Variants in SOBP observed in about 807,000 individuals in gnomAD.
The protein encoded by SOBP is sine oculis binding protein homolog.
SOBP carries 4 observed loss-of-function variants against 53.6 expected under a neutral mutation model. That is an observed-to-expected ratio of 0.07 (90% CI 0.04 to 0.17). The LOEUF is 0.17. Among genes scored for constraint, SOBP ranks in the 10% least tolerant of loss-of-function variants. The pLI is 1.00. For missense variants in SOBP, 1,088 were observed against 1,204.7 expected, an observed-to-expected ratio of 0.90 and a Z score of 1.43; for synonymous variants, 584 against 522.6, an observed-to-expected ratio of 1.12 and a Z score of -1.60.
chr6:107,588,460 G>C (rs1015674185), intron 5 of SOBP, among the ~76,000 whole-genome samples: 1 of 152,062 alleles, frequency 6.6e-6, no homozygotes, highest in South Asian at 2.1e-4. Flanking sequence ...TTTATCTTAG[G>C]ACTCTTAAAC....
At chr6:107,545,232 G>A (rs946853604) in intron 4 of SOBP, among the ~76,000 whole-genome samples, 1 of 152,192 alleles carries the variant, frequency 6.6e-6, no homozygotes, top group Non-Finnish European at 1.5e-5. Context: ...CCCACTAGGT[G>A]TGGTGAAGAG....
In SOBP at chr6:107,490,527, A is replaced by C. The variant is rs1347563204; in HGVS notation, c.-90A>C. On this transcript the variant is annotated 5_prime_UTR_variant, in exon 1 of 7. Coordinates refer to ENST00000317357, the MANE Select transcript of SOBP (RefSeq NM_018013.4). ...TACCTCCGCCAGCCTCGCCACCATCAGCACCACCTCCACCGCCGCCGCCGC... is the reference window on the plus strand; with the variant it reads ...TACCTCCGCCAGCCTCGCCACCATCCGCACCACCTCCACCGCCGCCGCCGC... 9.0e-6 allele frequency: 8 copies of C among 892,468 alleles called. No homozygotes were observed. The highest frequency in any genetic ancestry group is 3.6e-6 in the Non-Finnish European group (2 of 560,046). 55.3% of individuals were successfully genotyped at this position (892,468 alleles called of 1,614,324 possible).
intron 6 of SOBP, among the ~76,000 whole-genome samples, chr6:107,643,301 C>A (rs536852911): frequency 6.6e-6 from 1 of 152,130 alleles, no homozygotes; most frequent in Admixed American, 6.5e-5. Context: ...ATATTTTAAA[C>A]CCGTATTTAG....
In SOBP at chr6:107,634,730, GC is replaced by G; in HGVS notation, c.1892del (p.Pro631ArgfsTer26). On this transcript the variant is annotated frameshift_variant, in exon 6 of 7. Transcript: ENST00000317357. LOFTEE classifies it high-confidence loss of function. This position sits in a 1 kb window ranked among gnomAD's most constrained non-coding sequence, Gnocchi z 4.5. ...EVVDLTRRAG[S>X]PPGPPGAGGQ... ...GTGGACCTGACGCGGCGCGCCGGCA[GC>G]CCCCCGGGCCCCCCGGGCGCGGGCG... 6.8e-6 allele frequency: 9 copies of G among 1,322,020 alleles called. No individual in the cohort carries two copies. The highest frequency in any genetic ancestry group is 2.1e-5 in the South Asian group (1 of 47,770). The allele number at this position is 1,322,020 out of a possible 1,614,324, so 81.9% of individuals were successfully genotyped here.
chr6:107,555,615 C>T lies in SOBP; in HGVS notation c.573+22005C>T, dbSNP rs534750870. On this transcript the variant is annotated intron_variant, in intron 4 of 6. Coordinates refer to ENST00000317357, the MANE Select transcript of SOBP (RefSeq NM_018013.4). ...TGCACAGCTCTCCAAGGCACTGCGC[C>T]CTACGTGCAGATTCCAAGCTACATT... Among the ~76,000 whole-genome samples, 57 of 152,302 alleles carry T rather than the reference C, an allele frequency of 3.7e-4. 1 individual carries two copies. Among genetic ancestry groups the T allele is most frequent in the African/African-American group, 1.3e-3 (55 of 41,544 alleles).
At chr6:107,585,191 T>C (rs1785528127) in intron 4 of SOBP, among the ~76,000 whole-genome samples, 1 of 152,236 alleles carries the variant, frequency 6.6e-6, no homozygotes, top group Non-Finnish European at 1.5e-5. Flanking sequence ...CTTAAATGTT[T>C]GTTAAATATC....
At chr6:107,621,415 C>G (rs974371208) in intron 5 of SOBP, among the ~76,000 whole-genome samples, 6 of 152,158 alleles carry the variant, frequency 3.9e-5, no homozygotes, top group Non-Finnish European at 7.3e-5. Flanking sequence ...CAGAAAAGAA[C>G]TAGGCAAATC....
At position 107,634,666 on chromosome 6, in the gene SOBP, C is replaced by T. The variant is rs2115147115; in HGVS notation, c.1822C>T (p.Leu608=). The change falls in exon 6 of 7, where the codon CTG becomes TTG. Residue 608 remains leucine, a synonymous_variant. Coordinates refer to ENST00000317357, the MANE Select transcript of SOBP (RefSeq NM_018013.4). This position sits in a 1 kb window ranked among gnomAD's most constrained non-coding sequence, Gnocchi z 4.5. ...PPGCSGQALS[L]APTPAEHGRS... is the part of the protein sequence containing the mutation. ...CGGCTGCTCGGGCCAGGCCCTGAGC[C>T]TGGCGCCCACGCCCGCCGAGCATGG... 1.3e-6 allele frequency: 2 copies of T among 1,545,116 alleles called. No individual in the cohort carries two copies. Among genetic ancestry groups the T allele is most frequent in the Non-Finnish European group, 1.7e-6 (2 of 1,151,696 alleles).
At chr6:107,555,385 C>G (rs1784579747) in intron 4 of SOBP, among the ~76,000 whole-genome samples, 1 of 152,208 alleles carries the variant, frequency 6.6e-6, no homozygotes, top group Admixed American at 6.5e-5. Context: ...TCTTCTCCAT[C>G]AAATTCTCAA....
At chr6:107,567,355 CCTT>C (rs71820545) in intron 4 of SOBP, among the ~76,000 whole-genome samples, 2,598 of 152,312 alleles carry the variant, frequency 0.017, 33 homozygotes, top group East Asian at 0.051. Flanking sequence ...AATCCCATGT[CCTT>C]CTGACCACTC....
intron 4 of SOBP, among the ~76,000 whole-genome samples, chr6:107,559,404 C>T (rs1234049100): frequency 6.6e-6 from 1 of 152,112 alleles, no homozygotes; most frequent in Non-Finnish European, 1.5e-5. Flanking sequence ...CTTCAATATA[C>T]ACATCCTTTA....
At position 107,658,854 on chromosome 6, in the gene SOBP, C is replaced by T. The variant is rs1185259163; in HGVS notation, c.*651C>T. 1 of 152,544 alleles carries T rather than the reference C, an allele frequency of 6.6e-6. No individual in the cohort carries two copies. The highest frequency in any genetic ancestry group is 2.1e-4 in the South Asian group (1 of 4,820). 9.4% of individuals were successfully genotyped at this position (152,544 alleles called of 1,614,324 possible). On this transcript the variant is annotated 3_prime_UTR_variant, in exon 7 of 7. Transcript: ENST00000317357. Reference sequence around the variant, plus strand: ...AAGGCCACCTTTATCCTTTTTGATGCCATATTTTCAGTGTTACACTTTTAT... The same window carrying T: ...AAGGCCACCTTTATCCTTTTTGATGTCATATTTTCAGTGTTACACTTTTAT...
chr6:107,604,725 C>T (rs1786307262), intron 5 of SOBP, among the ~76,000 whole-genome samples: 1 of 152,282 alleles, frequency 6.6e-6, no homozygotes, highest in African/African-American at 2.4e-5. Flanking sequence ...GGCATAATAA[C>T]ACCCTTCAAG....
chr6:107,554,132 C>G (rs111909622), intron 4 of SOBP, among the ~76,000 whole-genome samples: 1 of 152,154 alleles, frequency 6.6e-6, no homozygotes, highest in Non-Finnish European at 1.5e-5. Context: ...TGCCTCCCAG[C>G]AGATTTTTTG....
At chr6:107,644,005 C>T (rs1161389416) in intron 6 of SOBP, among the ~76,000 whole-genome samples, 1 of 152,116 alleles carries the variant, frequency 6.6e-6, no homozygotes, top group Non-Finnish European at 1.5e-5. Flanking sequence ...TAACCTGAAC[C>T]GTATTGAGTC....
chr6:107,551,156 T>G (rs1400291063), intron 4 of SOBP, among the ~76,000 whole-genome samples: 1 of 152,136 alleles, frequency 6.6e-6, no homozygotes, highest in African/African-American at 2.4e-5. Context: ...TTAAGTGACT[T>G]GCAGGGGCCA....
chr6:107,631,557 C>T (rs982044762), intron 5 of SOBP, among the ~76,000 whole-genome samples: 1 of 152,168 alleles, frequency 6.6e-6, no homozygotes, highest in Non-Finnish European at 1.5e-5. Context: ...TGGGTCTCTT[C>T]TCATCAGAGG....
At chr6:107,601,947 A>G (rs929579910) in intron 5 of SOBP, among the ~76,000 whole-genome samples, 26 of 152,204 alleles carry the variant, frequency 1.7e-4, no homozygotes, top group African/African-American at 5.5e-4. Context: ...CAATTAATCA[A>G]TTATAGTCCA....
intron 4 of SOBP, among the ~76,000 whole-genome samples, chr6:107,568,741 A>G (rs1474491562): frequency 6.6e-6 from 1 of 152,122 alleles, no homozygotes; most frequent in African/African-American, 2.4e-5. Flanking sequence ...GAATAATCCT[A>G]TATTGTAATT....
Sources: allele counts gnomAD v4.1 joint callset (sites outside exome capture counted in the v4.1 genomes callset), GRCh38; gene constraint gnomAD v4.1.1; non-coding constraint Gnocchi (gnomAD v3.1); transcripts MANE v1.5; gene names NCBI Gene and HGNC (gene_info 2026-07-23, HGNC 2026-07-21).